PCDH9: variants seen among roughly 807,000 people sequenced by gnomAD.
PCDH9 encodes protocadherin-9.
In PCDH9, 24 loss-of-function variants were observed where a neutral mutation model predicts 70.6. That is an observed-to-expected ratio of 0.34 (90% confidence interval 0.25 to 0.48). PCDH9 has a LOEUF of 0.48. Ranked by LOEUF, PCDH9 falls within the 20% of genes least tolerant of loss-of-function variation. The pLI is 0.99. For missense variants in PCDH9, 1,281 were observed against 1,503.6 expected (o/e 0.85, Z 2.45); for synonymous variants, 562 against 558.5 (o/e 1.01, Z -0.09).
rs149097730 is a variant in PCDH9 at position 66,626,757 on chromosome 13, C to T, written c.3340+4453G>A. On this transcript the variant is annotated intron_variant, in intron 4 of 4. Coordinates refer to ENST00000377865, the MANE Select transcript of PCDH9 (RefSeq NM_203487.3). The stretch of plus-strand genomic sequence containing the variant: ...TTTAGATTTACATAAACATTATTTA[C>T]ACAAAACCTATCAATTATTGCTTAA... 4.2e-3 allele frequency among the ~76,000 whole-genome samples: 635 copies of T among 152,090 alleles called. 20 individuals are homozygous for T. The East Asian group carries it at 0.081, about 19-fold the overall frequency.
intron 2 of PCDH9, among the ~76,000 whole-genome samples, chr13:66,993,039 A>T (rs967630716): frequency 1.3e-5 from 2 of 152,178 alleles, no homozygotes; most frequent in Non-Finnish European, 1.5e-5. Flanking sequence ...TAAATTTCCC[A>T]TGAAATGAAC....
chr13:67,037,302 G>A (rs1375247577), intron 2 of PCDH9, among the ~76,000 whole-genome samples: 4 of 152,156 alleles, frequency 2.6e-5, no homozygotes, highest in African/African-American at 4.8e-5. Flanking sequence ...GACTTGCAAC[G>A]AAATGGTTTA....
intron 4 of PCDH9, among the ~76,000 whole-genome samples, chr13:66,509,152 C>T (rs1004262397): frequency 1.3e-5 from 2 of 152,174 alleles, no homozygotes; most frequent in Admixed American, 1.3e-4. Context: ...ACACTGTAAA[C>T]AGATTTTTGT....
intron 4 of PCDH9, among the ~76,000 whole-genome samples, chr13:66,564,750 T>A (rs1477013723): frequency 6.6e-6 from 1 of 152,156 alleles, no homozygotes; most frequent in Non-Finnish European, 1.5e-5. Context: ...ATTTTCCTGA[T>A]GCAGAGTCAA....
chr13:66,381,990 A>G (rs1956857089), intron 4 of PCDH9, among the ~76,000 whole-genome samples: 1 of 152,166 alleles, frequency 6.6e-6, no homozygotes, highest in Admixed American at 6.5e-5. Flanking sequence ...GAAAGAAAAA[A>G]AAAAAGAAAA....
chr13:66,463,786 G>A (rs951524015), intron 4 of PCDH9, among the ~76,000 whole-genome samples: 1 of 151,712 alleles, frequency 6.6e-6, no homozygotes. Context: ...TATACAGCAG[G>A]AGAGATGAGG....
At chr13:67,037,543 A>T (rs542805260) in intron 2 of PCDH9, among the ~76,000 whole-genome samples, 2 of 152,290 alleles carry the variant, frequency 1.3e-5, no homozygotes, top group African/African-American at 4.8e-5. Flanking sequence ...TAAATAGAAA[A>T]TTATTAAGGT....
chr13:66,342,845 C>T (rs373266577), intron 4 of PCDH9, among the ~76,000 whole-genome samples: 16 of 150,812 alleles, frequency 1.1e-4, no homozygotes, highest in African/African-American at 3.2e-4. Flanking sequence ...GAGTTTTCAC[C>T]GTGTTGCCCA....
At chr13:66,829,012 T>C (rs1266248308) in intron 3 of PCDH9, among the ~76,000 whole-genome samples, 1 of 151,080 alleles carries the variant, frequency 6.6e-6, no homozygotes, top group East Asian at 2.0e-4. Context: ...GTGGGTCTTT[T>C]TTTGTTTTTT....
chr13:66,433,026 TGAC>T (rs1378563597), intron 4 of PCDH9, among the ~76,000 whole-genome samples: 8 of 151,950 alleles, frequency 5.3e-5, no homozygotes, highest in Admixed American at 3.9e-4. Context: ...ATCATATAAA[TGAC>T]AGTCTTAGGG....
chr13:66,479,956 T>C (rs1249351379), intron 4 of PCDH9, among the ~76,000 whole-genome samples: 1 of 152,168 alleles, frequency 6.6e-6, no homozygotes, highest in Non-Finnish European at 1.5e-5. Context: ...GTGTGGAAGC[T>C]TTGTTCTTTC....
chr13:66,702,822 T>C (rs1192133848), intron 3 of PCDH9, among the ~76,000 whole-genome samples: 1 of 152,194 alleles, frequency 6.6e-6, no homozygotes, highest in African/African-American at 2.4e-5. Flanking sequence ...AGGCTTCCAG[T>C]AGTTTAAGGG....
chr13:66,731,165 G>A (rs775404815), intron 3 of PCDH9, among the ~76,000 whole-genome samples: 18 of 152,040 alleles, frequency 1.2e-4, no homozygotes, highest in Admixed American at 1.1e-3. Flanking sequence ...CTATGGAAGA[G>A]GAAATGATGA....
intron 3 of PCDH9, among the ~76,000 whole-genome samples, chr13:66,707,942 A>C (rs1169900552): frequency 6.6e-6 from 1 of 152,212 alleles, no homozygotes; most frequent in South Asian, 2.1e-4. Context: ...ACCAATTTTC[A>C]TATCAATTCT....
At chr13:66,590,992 A>G (rs1350203252) in intron 4 of PCDH9, among the ~76,000 whole-genome samples, 1 of 151,788 alleles carries the variant, frequency 6.6e-6, no homozygotes, top group Middle Eastern at 3.2e-3. Flanking sequence ...GAAATATAGA[A>G]TTACAACAAG....
chr13:66,648,992 A>T (rs993354909), intron 3 of PCDH9, among the ~76,000 whole-genome samples: 2 of 152,116 alleles, frequency 1.3e-5, no homozygotes, highest in Non-Finnish European at 2.9e-5. Context: ...AAGACATGCT[A>T]CTTAAAAATA....
chr13:67,140,025 ACCCCCCC>A (rs34514187), intron 2 of PCDH9, among the ~76,000 whole-genome samples: 1 of 65,938 alleles, frequency 1.5e-5, no homozygotes, highest in Non-Finnish European at 2.8e-5. Context: ...TTTTTTGATC[ACCCCCCC>A]CCCCCCGCCC....
chr13:66,326,505 G>A (rs1337854672), intron 4 of PCDH9, among the ~76,000 whole-genome samples: 1 of 151,214 alleles, frequency 6.6e-6, no homozygotes, highest in Non-Finnish European at 1.5e-5. Flanking sequence ...TGCAAGCTCC[G>A]CCTCCCGGGT....
At chr13:67,177,886 T>A (rs2088507204) in intron 2 of PCDH9, among the ~76,000 whole-genome samples, 1 of 152,072 alleles carries the variant, frequency 6.6e-6, no homozygotes, top group Non-Finnish European at 1.5e-5. Context: ...GGCTGATGAC[T>A]ACACAATTTT....
Sources: allele counts gnomAD v4.1 joint callset (sites outside exome capture counted in the v4.1 genomes callset), GRCh38; gene constraint gnomAD v4.1.1; transcripts MANE v1.5; gene names NCBI Gene and HGNC (gene_info 2026-07-23, HGNC 2026-07-21).